Variants in ALMS1 observed in about 807,000 individuals in gnomAD.
The protein encoded by ALMS1 is ALMS1 centrosome and basal body associated protein.
In ALMS1, 271 loss-of-function variants were observed where a neutral mutation model predicts 352.2. The ratio of observed to expected loss-of-function variants is 0.77; its 90% CI spans 0.70 to 0.85. ALMS1 has a LOEUF of 0.85. Ranked by LOEUF, ALMS1 falls within the 40% of genes least tolerant of loss-of-function variation. The pLI is 0.00. For synonymous variants in ALMS1, 1,865 were observed against 1,761.2 expected (o/e 1.06, Z -1.48); for missense variants, 5,445 against 4,870.7 (o/e 1.12, Z -3.51).
Position 73,453,918 on chromosome 2 carries a change from G to A in ALMS1, c.7391G>A (p.Gly2464Asp), listed in dbSNP as rs779815578. ...ATAACAGATAGCAGGGAGGAAGAGG[G>A]TGTGTCAGAGAGTGAGGATGGTGGT... ...TSITDSREEEGVSESEDGGGS... is the reference protein window; with the variant it reads ...TSITDSREEEDVSESEDGGGS... Residue 2464 changes from glycine to aspartate, a missense_variant, in exon 8 of 23, where the codon GGT becomes GAT. Gly to Asp is a moderately conservative substitution (Grantham distance 94, BLOSUM62 -1). Transcript: ENST00000613296. The A allele has an allele frequency of 1.2e-6, 2 of 1,614,100 alleles. No individual in the cohort carries two copies. The highest frequency in any genetic ancestry group is 2.7e-5 in the African/African-American group (2 of 75,038).
intron 7 of ALMS1, among the ~76,000 whole-genome samples, chr2:73,441,288 C>T (rs558839294): frequency 6.6e-6 from 1 of 152,320 alleles, no homozygotes; most frequent in African/African-American, 2.4e-5. Context: ...CAATTTTTGC[C>T]AGTGCCACTG....
Position 73,600,766 on chromosome 2 carries a change from G to A in ALMS1, c.11757G>A (p.Leu3919=), listed in dbSNP as rs1675664099. The A allele has an allele frequency of 1.9e-6, 3 of 1,614,132 alleles. No homozygotes were observed. The highest frequency in any genetic ancestry group is 2.5e-6 in the Non-Finnish European group (3 of 1,180,014). The stretch of plus-strand genomic sequence containing the variant: ...CTCCAAGTTCCAGCGAGGCTAAATT[G>A]GAAGAGAACAGTGATGTGACTTCTT... ...FPTPSSSEAK[L]EENSDVTSWS... Residue 3919 remains leucine (L), a synonymous_variant, in exon 18 of 23, where the codon TTG becomes TTA. Transcript: ENST00000613296.
rs1673149418 is a variant in ALMS1 at position 73,498,253 on chromosome 2, G to A, written c.9539+6755G>A. ...ATTGCTAAAGATTGAGGTGGCTGTA[G>A]AAATTTCTTTTTTTTTTTCTTTTTA... is the stretch of plus-strand genomic sequence containing the variant. On this transcript the variant is annotated intron_variant, in intron 10 of 22. Transcript: ENST00000613296. 2.0e-5 allele frequency among the ~76,000 whole-genome samples: 3 copies of A among 151,678 alleles called. No homozygotes were observed. The South Asian group carries it at 6.3e-4, about 32-fold the overall frequency.
At chr2:73,534,496 A>G (rs1377891857) in intron 11 of ALMS1, among the ~76,000 whole-genome samples, 3 of 152,160 alleles carry the variant, frequency 2.0e-5, no homozygotes, top group South Asian at 4.1e-4. Flanking sequence ...ACATATCCCT[A>G]CCATCCTACT....
At chr2:73,498,141 A>C (rs1673147503) in intron 10 of ALMS1, among the ~76,000 whole-genome samples, 1 of 152,182 alleles carries the variant, frequency 6.6e-6, no homozygotes, top group Non-Finnish European at 1.5e-5. Flanking sequence ...TAAAAATGCT[A>C]ACAATTATTT....
chr2:73,590,646 A>C (rs1042726753), intron 16 of ALMS1, among the ~76,000 whole-genome samples: 1 of 131,118 alleles, frequency 7.6e-6, no homozygotes, highest in African/African-American at 2.8e-5. Flanking sequence ...AGACCACTGT[A>C]GTTGCTGTTT....
At chr2:73,605,376 C>T (rs1675794529) in intron 21 of ALMS1, among the ~76,000 whole-genome samples, 1 of 152,236 alleles carries the variant, frequency 6.6e-6, no homozygotes, top group South Asian at 2.1e-4. Flanking sequence ...TTTGGAAGAT[C>T]TGCACAACTC....
intron 10 of ALMS1, among the ~76,000 whole-genome samples, chr2:73,515,774 C>CACACAG (rs1401256362): frequency 7.9e-6 from 1 of 126,042 alleles, no homozygotes; most frequent in Non-Finnish European, 1.8e-5. Context: ...GAAATACACA[C>CACACAG]ACACACACAC....
At position 73,490,946 on chromosome 2, in the gene ALMS1, A is replaced by G. The variant is rs1308983608; in HGVS notation, c.8987A>G (p.Glu2996Gly). 6.2e-7 allele frequency: 1 copy of G among 1,614,210 alleles called. No homozygotes were observed. Among genetic ancestry groups the G allele is most frequent in the Non-Finnish European group, 8.5e-7 (1 of 1,180,028 alleles). Residue 2996 changes from glutamate (E) to glycine (G), a missense_variant, in exon 10 of 23, where the codon GAA becomes GGA. Transcript: ENST00000613296. ...CCTCAAGGTCAGGATTGTGTAGTGGAAAAGAATAATCAACATAAGCCTAAA... is the reference window on the plus strand; with the variant it reads ...CCTCAAGGTCAGGATTGTGTAGTGGGAAAGAATAATCAACATAAGCCTAAA... ...PLPQGQDCVV[E>G]KNNQHKPKSH...
At chr2:73,562,811 C>T (rs1013602313) in intron 15 of ALMS1, among the ~76,000 whole-genome samples, 6 of 151,750 alleles carry the variant, frequency 4.0e-5, no homozygotes, top group Non-Finnish European at 5.9e-5. Flanking sequence ...CGCTTGATTC[C>T]GGGAGACAGA....
At chr2:73,540,338 T>C (rs1172173740) in intron 12 of ALMS1, among the ~76,000 whole-genome samples, 2 of 152,256 alleles carry the variant, frequency 1.3e-5, no homozygotes, top group African/African-American at 2.4e-5. Context: ...TTGTCACCAC[T>C]AGGCCTGCCC....
At chr2:73,465,691 G>A (rs558906532) in intron 9 of ALMS1, among the ~76,000 whole-genome samples, 45 of 151,528 alleles carry the variant, frequency 3.0e-4, no homozygotes, top group Admixed American at 2.6e-3. Context: ...TACCATCAGA[G>A]TGAAGAGGAA....
At chr2:73,431,764 C>T (rs568603754) in intron 6 of ALMS1, among the ~76,000 whole-genome samples, 1 of 152,126 alleles carries the variant, frequency 6.6e-6, no homozygotes, top group Non-Finnish European at 1.5e-5. Flanking sequence ...TTTTCTTTTT[C>T]CTTCTTACTG....
intron 19 of ALMS1, 136 bp from the exon 20 acceptor site, chr2:73,602,049 A>C (rs1675703685): frequency 1.1e-6 from 1 of 917,196 alleles, no homozygotes; most frequent in African/African-American, 1.7e-5. Context: ...AGGATTCTTC[A>C]ACGCTAGATA....
intron 16 of ALMS1, among the ~76,000 whole-genome samples, chr2:73,584,803 T>C (rs1274066465): frequency 6.7e-6 from 1 of 148,566 alleles, no homozygotes; most frequent in Non-Finnish European, 1.5e-5. Flanking sequence ...CCCCCCTAAG[T>C]TCCCAAATCC....
chr2:73,425,242 T>C lies in ALMS1; in HGVS notation c.1237+340T>C, dbSNP rs192695466. ...GAGGTGAAACAAAAGATGGATTCTT[T>C]GGAGGGTTATGAAAGAAATGAAGAA... On this transcript the variant is annotated intron_variant, in intron 5 of 22. Coordinates refer to ENST00000613296, the MANE Select transcript of ALMS1 (RefSeq NM_001378454.1). Among the ~76,000 whole-genome samples, 134 of 152,316 alleles carry C rather than the reference T, an allele frequency of 8.8e-4. No homozygotes were observed. In the East Asian group the frequency reaches 0.023, roughly 26 times the overall value.
At chr2:73,508,456 C>T (rs1001860625) in intron 10 of ALMS1, among the ~76,000 whole-genome samples, 37 of 152,158 alleles carry the variant, frequency 2.4e-4, no homozygotes, top group African/African-American at 6.3e-4. Context: ...CCACCCGCCT[C>T]GGCCTCCCAA....
At chr2:73,390,970 C>A (rs1430918180) in intron 1 of ALMS1, among the ~76,000 whole-genome samples, 1 of 151,958 alleles carries the variant, frequency 6.6e-6, no homozygotes, top group African/African-American at 2.4e-5. Context: ...GGGGTTTCAC[C>A]ATGTTGGCCA....
intron 10 of ALMS1, among the ~76,000 whole-genome samples, chr2:73,508,872 C>T (rs545732674): frequency 1.6e-4 from 25 of 152,126 alleles, no homozygotes; most frequent in Non-Finnish European, 2.5e-4. Context: ...CTTTGTAGGT[C>T]GCTAAGAACT....
Sources: gnomAD v4.1 joint callset for allele counts (sites outside exome capture counted in the v4.1 genomes callset) on GRCh38, gnomAD v4.1.1 for gene constraint, MANE v1.5 for transcripts, NCBI Gene and HGNC (gene_info 2026-07-23, HGNC 2026-07-21) for gene names.